Variants in BICRA observed in about 807,000 individuals in gnomAD.
BICRA encodes BRD4 interacting chromatin remodeling complex associated protein.
BICRA carries 31 observed loss-of-function variants against 96.9 expected under a neutral mutation model. That is an observed-to-expected ratio of 0.32 (90% CI 0.24 to 0.43). The LOEUF is 0.43. Ranked by LOEUF, BICRA falls within the 20% of genes least tolerant of loss-of-function variation. BICRA has a pLI of 1.00. For missense variants in BICRA, 2,283 were observed against 2,190.3 expected (o/e 1.04, Z -0.84); for synonymous variants, 1,350 against 1,071.8 (o/e 1.26, Z -5.07).
rs141524685 is a variant in BICRA at position 47,652,740 on chromosome 19, G to A, written c.-107-17703G>A. On this transcript the variant is annotated intron_variant, in intron 1 of 14. Coordinates refer to ENST00000594866, the MANE Select transcript of BICRA (RefSeq NM_001394372.1). ...ATGGCTAATTCACCAAGCTGAAAAAGCAAAAATTATTTTGAAAACTATGCA... is the reference window on the plus strand; with the variant it reads ...ATGGCTAATTCACCAAGCTGAAAAAACAAAAATTATTTTGAAAACTATGCA... Among the ~76,000 whole-genome samples, 624 of 152,222 alleles carry A rather than the reference G, an allele frequency of 4.1e-3. 4 individuals carry two copies. The highest frequency in any genetic ancestry group is 0.014 in the African/African-American group (600 of 41,548).
intron 1 of BICRA, among the ~76,000 whole-genome samples, chr19:47,656,528 A>G (rs761389500): frequency 1.4e-4 from 22 of 152,162 alleles, no homozygotes; most frequent in Non-Finnish European, 1.0e-4. Context: ...TGCTAATCCA[A>G]TGTTCACAGT....
chr19:47,689,540 T>G (rs1432071534), intron 7 of BICRA, among the ~76,000 whole-genome samples: 1 of 151,916 alleles, frequency 6.6e-6, no homozygotes, highest in East Asian at 1.9e-4. Context: ...GCCTCCGGAG[T>G]AGCTGGGATT....
At chr19:47,608,872 G>A (rs1221652586), upstream of BICRA, among the ~76,000 whole-genome samples, 5 of 105,548 alleles carry the variant, frequency 4.7e-5, no homozygotes, top group Non-Finnish European at 1.2e-4. Flanking sequence ...GGGGTGGGGG[G>A]CGGAACACAA....
At chr19:47,682,772 A>G (rs10417498) in intron 7 of BICRA, among the ~76,000 whole-genome samples, 48,062 of 151,482 alleles carry the variant, frequency 0.32, 8,034 homozygotes, top group African/African-American at 0.43. Context: ...CCGATGTTTA[A>G]GTGATTCTCC....
In BICRA at chr19:47,698,664, C is replaced by A; in HGVS notation, c.3279C>A (p.Gly1093=). Residue 1093 remains glycine (G), a synonymous_variant, in exon 12 of 15, where the codon GGC becomes GGA. Transcript: ENST00000594866. This position sits in a 1 kb window ranked among gnomAD's most constrained non-coding sequence, Gnocchi z 4.8. ...CFLEHLHKHQ[G]SVLHPDYKTA... ...TGGAGCATTTGCACAAACACCAGGG[C>A]TCCGTCCTGCACCCCGACTACAAGA... The A allele has an allele frequency of 6.4e-7, 1 of 1,571,552 alleles. No homozygotes were observed. Among genetic ancestry groups the A allele is most frequent in the Non-Finnish European group, 8.7e-7 (1 of 1,143,852 alleles).
At chr19:47,655,003 G>A (rs1412629261) in intron 1 of BICRA, among the ~76,000 whole-genome samples, 3 of 151,992 alleles carry the variant, frequency 2.0e-5, no homozygotes, top group Non-Finnish European at 4.4e-5. Context: ...AATCGCCAAC[G>A]CTTACTCATA....
intron 1 of BICRA, among the ~76,000 whole-genome samples, chr19:47,659,440 C>T (rs1158252321): frequency 3.3e-5 from 5 of 152,092 alleles, no homozygotes; most frequent in African/African-American, 9.7e-5. Context: ...ATATCCAGGG[C>T]CCAGCCAGCT....
chr19:47,641,456 A>G (rs1350729872), intron 1 of BICRA, among the ~76,000 whole-genome samples: 5 of 152,018 alleles, frequency 3.3e-5, no homozygotes. Context: ...CTATAGATTC[A>G]ACTTGTGTTT....
Position 47,694,326 on chromosome 19 carries a change from C to A in BICRA, c.2495C>A (p.Pro832His). The change falls in exon 8 of 15, where the codon CCT becomes CAT. Residue 832 changes from proline to histidine, a missense_variant. Pro to His is a moderately conservative substitution (Grantham distance 77). Transcript: ENST00000594866. ...CCACCCCAGGCCCCCCCAACTCTGC[C>A]TGGCATCTTTGTCATCCAAAACCAG... The part of the protein sequence containing the change: ...CPPPQAPPTL[P>H]GIFVIQNQLG... 1 of 1,225,582 alleles carries A rather than the reference C, an allele frequency of 8.2e-7. No individual in the cohort carries two copies. The highest frequency in any genetic ancestry group is 1.2e-6 in the Non-Finnish European group (1 of 860,212). 75.9% of individuals were successfully genotyped at this position (1,225,582 alleles called of 1,614,324 possible).
At chr19:47,685,318 C>T (rs543264270) in intron 7 of BICRA, among the ~76,000 whole-genome samples, 3 of 152,210 alleles carry the variant, frequency 2.0e-5, no homozygotes, top group South Asian at 2.1e-4. Context: ...AAGCTTAGTG[C>T]GCACAGGCAG....
chr19:47,701,211 C>G lies in BICRA; in HGVS notation c.3596-117C>G, dbSNP rs941031522. ...AAGCCTATCCTGAGGATTGGAGGGT[C>G]CAGGGTGCAGTCTGGTGCCTGGCAG... is the stretch of plus-strand genomic sequence containing the variant. On this transcript the variant is annotated intron_variant, in intron 14 of 14. Coordinates refer to ENST00000594866, the MANE Select transcript of BICRA (RefSeq NM_001394372.1). This position sits in a 1 kb window ranked among gnomAD's most constrained non-coding sequence, Gnocchi z 5.4. 2 of 708,150 alleles carry G rather than the reference C, an allele frequency of 2.8e-6. No individual in the cohort carries two copies. Among genetic ancestry groups the G allele is most frequent in the Non-Finnish European group, 4.9e-6 (2 of 407,636 alleles). The allele number at this position is 708,150 out of a possible 1,614,324, so 43.9% of individuals were successfully genotyped here. A position where few individuals can be genotyped will look rare whatever the true frequency, so the allele number is the denominator to read the frequency against.
At position 47,699,074 on chromosome 19, in the gene BICRA, G is replaced by A; in HGVS notation, c.3492+15G>A. ...AGGAGTCCCGGGTAGGGTCAGAGTC[G>A]CCTTCCTCGCCTCTGGGCTCCTCCT... On this transcript the variant is annotated intron_variant, in intron 13 of 14. Coordinates refer to ENST00000594866, the MANE Select transcript of BICRA (RefSeq NM_001394372.1). The surrounding 1 kb of genome is among the most constrained non-coding windows in gnomAD (Gnocchi z 5.0). 6.8e-7 allele frequency: 1 copy of A among 1,481,188 alleles called. No homozygotes were observed. Among genetic ancestry groups the A allele is most frequent in the Non-Finnish European group, 9.2e-7 (1 of 1,083,638 alleles). The allele number at this position is 1,481,188 out of a possible 1,614,324, so 91.8% of individuals were successfully genotyped here. A position where few individuals can be genotyped will look rare whatever the true frequency, so the allele number is the denominator to read the frequency against.
chr19:47,630,506 G>A (rs1302463883), intron 1 of BICRA, among the ~76,000 whole-genome samples: 2 of 152,038 alleles, frequency 1.3e-5, no homozygotes, highest in African/African-American at 4.8e-5. Flanking sequence ...CATGTAAATG[G>A]AATCATCCAG....
chr19:47,669,422 G>A lies in BICRA; in HGVS notation c.-107-1021G>A, dbSNP rs371981789. ...TTTTCCCCAGGAGTGGCAGCTCAGC[G>A]TTCACGGTGACTTTCTAGAACCTCA... On this transcript the variant is annotated intron_variant, in intron 1 of 14. Transcript: ENST00000594866. Among the ~76,000 whole-genome samples the A allele has an allele frequency of 1.1e-4, 17 of 152,184 alleles. No homozygotes were observed. In the East Asian group the frequency reaches 1.4e-3, roughly 12 times the overall value.
chr19:47,638,613 TCACA>T (rs34512769), intron 1 of BICRA, among the ~76,000 whole-genome samples: 23 of 149,812 alleles, frequency 1.5e-4, no homozygotes, highest in Non-Finnish European at 2.1e-4. Context: ...TCTCTCTCTG[TCACA>T]CACACACACA....
chr19:47,613,702 C>T (rs1971943688), intron 1 of BICRA, among the ~76,000 whole-genome samples: 1 of 152,036 alleles, frequency 6.6e-6, no homozygotes, highest in Non-Finnish European at 1.5e-5. Flanking sequence ...ACACTAGAGA[C>T]GCATGGGGAG....
intron 1 of BICRA, chr19:47,626,439 A>T (rs1272405999): frequency 6.6e-6 from 1 of 151,944 alleles, no homozygotes; most frequent in East Asian, 1.9e-4. Flanking sequence ...CCCAGGCTGG[A>T]GTGCAGTAGT....
At chr19:47,636,536 G>C (rs1300711164) in intron 1 of BICRA, among the ~76,000 whole-genome samples, 1 of 151,896 alleles carries the variant, frequency 6.6e-6, no homozygotes, top group Non-Finnish European at 1.5e-5. Context: ...TATTGAGATG[G>C]AGTCTCTGTC....
At position 47,699,166 on chromosome 19, in the gene BICRA, C is replaced by G; in HGVS notation, c.3492+107C>G. On this transcript the variant is annotated intron_variant, in intron 13 of 14. Transcript: ENST00000594866. This position sits in a 1 kb window ranked among gnomAD's most constrained non-coding sequence, Gnocchi z 5.0. ...GTGGAGCCTCCCGCCCCTCCTAGCCCCGGGAGGGAGGTTGGGAGGGAGGCG... is the reference window on the plus strand; with the variant it reads ...GTGGAGCCTCCCGCCCCTCCTAGCCGCGGGAGGGAGGTTGGGAGGGAGGCG... 1 of 956,970 alleles carries G rather than the reference C, an allele frequency of 1.0e-6. No homozygotes were observed. Among genetic ancestry groups the G allele is most frequent in the Non-Finnish European group, 1.6e-6 (1 of 609,990 alleles). 59.3% of individuals were successfully genotyped at this position (956,970 alleles called of 1,614,324 possible).
Sources: allele counts gnomAD v4.1 joint callset (sites outside exome capture counted in the v4.1 genomes callset), GRCh38; gene constraint gnomAD v4.1.1; non-coding constraint Gnocchi (gnomAD v3.1); transcripts MANE v1.5; gene names NCBI Gene and HGNC (gene_info 2026-07-23, HGNC 2026-07-21).